The following SKOR1 variants were observed in gnomAD, a reference collection of about 807,000 sequenced individuals.
SKOR1 encodes LBX1 corepressor 1.
Under a neutral mutation model 72.4 loss-of-function variants are expected in SKOR1, and 38 were observed. That is an observed-to-expected ratio of 0.52 (90% confidence interval 0.40 to 0.69). SKOR1 has a LOEUF of 0.69. SKOR1 is among the 30% of genes least tolerant of loss of function. The probability of loss-of-function intolerance (pLI) is 0.00; values close to 1 mark genes in which losing one functional copy is unlikely to be tolerated. For synonymous variants in SKOR1, 642 were observed against 599.4 expected (o/e 1.07, Z -1.04); for missense variants, 1,320 against 1,343.2 (o/e 0.98, Z 0.27).
rs759253274 is a variant in SKOR1 at position 67,832,387 on chromosome 15, G to A, written c.2662+39G>A. The A allele has an allele frequency of 5.6e-6, 9 of 1,607,752 alleles. No homozygotes were observed. Among genetic ancestry groups the A allele is most frequent in the South Asian group, 3.3e-5 (3 of 90,804 alleles). On this transcript the variant is annotated intron_variant, in intron 6 of 8. Transcript: ENST00000380035. The surrounding 1 kb of genome is among the most constrained non-coding windows in gnomAD (Gnocchi z 4.5). ...TCCTGCCTCACCCCACCTCATCACC[G>A]AGCCTTCCACCAGGGTGCCCCGACC...
chr15:67,831,907 G>C (rs1344381914), intron 5 of SKOR1, among the ~76,000 whole-genome samples: 17 of 148,532 alleles, frequency 1.1e-4, no homozygotes, highest in East Asian at 7.8e-4. Flanking sequence ...GCGGTGCGGG[G>C]GGGGGAGGTC....
Position 67,832,942 on chromosome 15 carries a change from A to G in SKOR1, c.2738-250A>G. On this transcript the variant is annotated intron_variant, in intron 7 of 8. Coordinates refer to ENST00000380035, the MANE Select transcript of SKOR1 (RefSeq NM_001365915.1). The surrounding 1 kb of genome is among the most constrained non-coding windows in gnomAD (Gnocchi z 4.5). ...GTTTCTAAATTAAAAATCGAGGCGT[A>G]AAATTACCTGGGAAGTAATGCCTAA... The G allele has an allele frequency of 1.7e-6, 1 of 600,092 alleles. No individual in the cohort carries two copies. Among genetic ancestry groups the G allele is most frequent in the Non-Finnish European group, 2.9e-6 (1 of 339,616 alleles). 37.2% of individuals were successfully genotyped at this position (600,092 alleles called of 1,614,324 possible). A position where few individuals can be genotyped will look rare whatever the true frequency, so the allele number is the denominator to read the frequency against.
chr15:67,832,807 A>G lies in SKOR1; in HGVS notation c.2737+126A>G. 1.2e-6 allele frequency: 1 copy of G among 807,514 alleles called. No individual in the cohort carries two copies. Among genetic ancestry groups the G allele is most frequent in the Non-Finnish European group, 2.0e-6 (1 of 500,236 alleles). 50.0% of individuals were successfully genotyped at this position (807,514 alleles called of 1,614,324 possible). On this transcript the variant is annotated intron_variant, in intron 7 of 8. Coordinates refer to ENST00000380035, the MANE Select transcript of SKOR1 (RefSeq NM_001365915.1). This position sits in a 1 kb window ranked among gnomAD's most constrained non-coding sequence, Gnocchi z 4.5. Reference sequence around the variant, plus strand: ...AATTTAACAATTATTTTTTTATTTAATATGCTTTGTATACTCTGATTAGCC... The same window carrying G: ...AATTTAACAATTATTTTTTTATTTAGTATGCTTTGTATACTCTGATTAGCC...
Position 67,832,879 on chromosome 15 carries a change from A to G in SKOR1, c.2737+198A>G. ...GCAAACGGCTTGCAGGCATCATTAC[A>G]TGGAGTGATTGAACTTCTTATCGCG... On this transcript the variant is annotated intron_variant, in intron 7 of 8. Transcript: ENST00000380035. This position sits in a 1 kb window ranked among gnomAD's most constrained non-coding sequence, Gnocchi z 4.5. The G allele has an allele frequency of 1.7e-6, 1 of 604,912 alleles. No individual in the cohort carries two copies. Among genetic ancestry groups the G allele is most frequent in the Non-Finnish European group, 2.9e-6 (1 of 342,768 alleles). 37.5% of individuals were successfully genotyped at this position (604,912 alleles called of 1,614,324 possible).
rs1203979934 is a variant in SKOR1, at chr15:67,829,240, C to T, written c.2378C>T (p.Ala793Val). Residue 793 changes from alanine to valine, a missense_variant, in exon 3 of 9, where the codon GCC (alanine) becomes GTC (valine). Coordinates refer to ENST00000380035, the MANE Select transcript of SKOR1 (RefSeq NM_001365915.1). ...KSAAVALGPA[A>V]SYVCTPEAHE... Reference sequence around the variant, plus strand: ...GCGGCGGTGGCGCTGGGGCCCGCGGCCTCCTACGTCTGCACCCCCGAGGCC... The same window carrying T: ...GCGGCGGTGGCGCTGGGGCCCGCGGTCTCCTACGTCTGCACCCCCGAGGCC... The T allele has an allele frequency of 1.9e-6, 3 of 1,568,692 alleles. No homozygotes were observed. Among genetic ancestry groups the T allele is most frequent in the Admixed American group, 3.6e-5 (2 of 56,118 alleles).
rs1199092457 is a variant in SKOR1 at position 67,827,692 on chromosome 15, C to A, written c.1864C>A (p.Arg622=). The A allele has an allele frequency of 4.6e-6, 7 of 1,536,602 alleles. No individual in the cohort carries two copies. The highest frequency in any genetic ancestry group is 2.5e-5 in the East Asian group (1 of 40,716). Residue 622 remains arginine (R), a synonymous_variant, in exon 2 of 9, where the codon CGG becomes AGG. Transcript: ENST00000380035. ...AREAYGAGPA[R]GPGPGAGSGG... ...GGAGGCGTACGGCGCGGGGCCTGCT[C>A]GGGGGCCGGGACCCGGCGCTGGGAG... is the stretch of plus-strand genomic sequence containing the variant.
At position 67,827,719 on chromosome 15, in the gene SKOR1, G is replaced by C; in HGVS notation, c.1891G>C (p.Gly631Arg). ...GGGGCCGGGACCCGGCGCTGGGAGCGGCGGCTACGTGAGCCCGGACTTTCT... is the reference window on the plus strand; with the variant it reads ...GGGGCCGGGACCCGGCGCTGGGAGCCGCGGCTACGTGAGCCCGGACTTTCT... ...ARGPGPGAGS[G>R]GYVSPDFLSE... Residue 631 changes from glycine to arginine, a missense_variant, in exon 2 of 9, where the codon GGC (glycine) becomes CGC (arginine). Gly to Arg is a moderately radical substitution (Grantham distance 125, BLOSUM62 -2). Around this residue, in one of 3 missense-constraint regions of SKOR1, gnomAD observed 1,099 missense variants for 1,025.5 expected, o/e 1.07. Transcript: ENST00000380035. 6.5e-7 allele frequency: 1 copy of C among 1,543,240 alleles called. No individual in the cohort carries two copies. Among genetic ancestry groups the C allele is most frequent in the Non-Finnish European group, 8.7e-7 (1 of 1,143,682 alleles).
rs1220586342 is a variant in SKOR1 at position 67,833,843 on chromosome 15, C to T, written c.*7C>T. On this transcript the variant is annotated 3_prime_UTR_variant, in exon 9 of 9. Transcript: ENST00000380035. The surrounding 1 kb of genome is among the most constrained non-coding windows in gnomAD (Gnocchi z 6.0). Reference sequence around the variant, plus strand: ...GCCACCGCTGTTGCCCTAGGGCCGGCCTGGCCGCACCCCTGCGCCCTCAAG... The same window carrying T: ...GCCACCGCTGTTGCCCTAGGGCCGGTCTGGCCGCACCCCTGCGCCCTCAAG... 3 of 1,606,924 alleles carry T rather than the reference C, an allele frequency of 1.9e-6. No homozygotes were observed. Among genetic ancestry groups the T allele is most frequent in the African/African-American group, 1.3e-5 (1 of 74,942 alleles).
rs1034493109 is a variant in SKOR1 at position 67,828,112 on chromosome 15, T to G, written c.2284T>G (p.Cys762Gly). The G allele has an allele frequency of 1.4e-5, 21 of 1,514,936 alleles. No individual in the cohort carries two copies. The highest frequency in any genetic ancestry group is 1.6e-5 in the Non-Finnish European group (18 of 1,138,098). The allele number at this position is 1,514,936 out of a possible 1,614,324, so 93.8% of individuals were successfully genotyped here. Reference sequence around the variant, plus strand: ...CGGCGGCTACGAGCTGCGAGAGCCTTGCGGGCCCCTAGGAGGCCCCGCGCC... The same window carrying G: ...CGGCGGCTACGAGCTGCGAGAGCCTGGCGGGCCCCTAGGAGGCCCCGCGCC... ...GGGGYELREP[C>G]GPLGGPAPAK... Residue 762 changes from cysteine (C) to glycine (G), a missense_variant, in exon 2 of 9, where the codon TGC (cysteine) becomes GGC (glycine). Cys to Gly is a radical substitution (Grantham distance 159). Transcript: ENST00000380035.
Position 67,833,296 on chromosome 15 carries a change from G to A in SKOR1, c.2803+39G>A. 6.2e-7 allele frequency: 1 copy of A among 1,603,116 alleles called. No homozygotes were observed. The highest frequency in any genetic ancestry group is 8.5e-7 in the Non-Finnish European group (1 of 1,170,566). On this transcript the variant is annotated intron_variant, in intron 8 of 8. Coordinates refer to ENST00000380035, the MANE Select transcript of SKOR1 (RefSeq NM_001365915.1). The surrounding 1 kb of genome is among the most constrained non-coding windows in gnomAD (Gnocchi z 6.0). ...GAAACAAAGATAGGAGGGGTGCTGG[G>A]TGCCGGCCGTGCTGTCGACTGAATG...
Position 67,825,742 on chromosome 15 carries a change from CG to C in SKOR1, c.107+38del. ...TTACCCCTTCTCCTCCCCCAAGCCC[CG>C]GGGGCTGTTGTTAACGGCGCCAACA... On this transcript the variant is annotated intron_variant, in intron 1 of 8. Coordinates refer to ENST00000380035, the MANE Select transcript of SKOR1 (RefSeq NM_001365915.1). This position sits in a 1 kb window ranked among gnomAD's most constrained non-coding sequence, Gnocchi z 5.6. 1 of 965,122 alleles carries C rather than the reference CG, an allele frequency of 1.0e-6. No homozygotes were observed. The highest frequency in any genetic ancestry group is 1.6e-6 in the Non-Finnish European group (1 of 610,628). 59.8% of individuals were successfully genotyped at this position (965,122 alleles called of 1,614,324 possible).
Position 67,826,602 on chromosome 15 carries a change from C to G in SKOR1, c.774C>G (p.Asp258Glu). The change falls in exon 2 of 9, where the codon GAC (aspartate) becomes GAG (glutamate). Residue 258 changes from aspartate (D) to glutamate (E), a missense_variant. Physicochemically the swap from Asp to Glu is conservative, Grantham distance 45 (BLOSUM62 2). This residue lies in a region of SKOR1 where 1,099 missense variants were observed against 1,025.5 expected (regional missense o/e 1.07). Coordinates refer to ENST00000380035, the MANE Select transcript of SKOR1 (RefSeq NM_001365915.1). ...HLKLSDKSATDELSHAWEDVK... is the reference protein window; with the variant it reads ...HLKLSDKSATEELSHAWEDVK... ...AACTCAGTGACAAGTCGGCCACAGA[C>G]GAACTGAGCCATGCTTGGGAGGACG... The G allele has an allele frequency of 6.2e-7, 1 of 1,613,888 alleles. No homozygotes were observed. Among genetic ancestry groups the G allele is most frequent in the Non-Finnish European group, 8.5e-7 (1 of 1,179,950 alleles).
rs962604605 is a variant in SKOR1 at position 67,833,645 on chromosome 15, CA to C, written c.2804-94del. 10 of 1,302,994 alleles carry C rather than the reference CA, an allele frequency of 7.7e-6. No individual in the cohort carries two copies. The highest frequency in any genetic ancestry group is 7.1e-5 in the South Asian group (6 of 84,726). The allele number at this position is 1,302,994 out of a possible 1,614,324, so 80.7% of individuals were successfully genotyped here. On this transcript the variant is annotated intron_variant, in intron 8 of 8. Coordinates refer to ENST00000380035, the MANE Select transcript of SKOR1 (RefSeq NM_001365915.1). This position sits in a 1 kb window ranked among gnomAD's most constrained non-coding sequence, Gnocchi z 6.0. ...CCGCTCGGTTGAGATTCCCTGACCC[CA>C]AAGGGTTGGTAAGGCCGGGGAGGGG... is the stretch of plus-strand genomic sequence containing the variant.
In SKOR1 at chr15:67,830,269, C is replaced by T; in HGVS notation, c.2486C>T (p.Ser829Phe). Residue 829 changes from serine (S) to phenylalanine (F), a missense_variant, in exon 4 of 9, where the codon TCC becomes TTC. Coordinates refer to ENST00000380035, the MANE Select transcript of SKOR1 (RefSeq NM_001365915.1). ...TCCTATCCAGACCAAAGGAGTATCTCCCAGCCAAGTCCTGCAAATACAGAC... is the reference window on the plus strand; with the variant it reads ...TCCTATCCAGACCAAAGGAGTATCTTCCAGCCAAGTCCTGCAAATACAGAC... ...RKSYPDQRSI[S>F]QPSPANTDRG... The T allele has an allele frequency of 6.2e-7, 1 of 1,614,152 alleles. No homozygotes were observed. The highest frequency in any genetic ancestry group is 8.5e-7 in the Non-Finnish European group (1 of 1,180,002).
Position 67,833,006 on chromosome 15 carries a change from C to A in SKOR1, c.2738-186C>A, listed in dbSNP as rs952202762. 28 of 637,138 alleles carry A rather than the reference C, an allele frequency of 4.4e-5. No individual in the cohort carries two copies. Among genetic ancestry groups the A allele is most frequent in the Middle Eastern group, 4.1e-4 (1 of 2,422 alleles). The allele number at this position is 637,138 out of a possible 1,614,324, so 39.5% of individuals were successfully genotyped here. ...TTGGTTAGATCCATCTGCCTTTAAGCGCCATCCCAGGCCATTTCCTTCCTC... is the reference window on the plus strand; with the variant it reads ...TTGGTTAGATCCATCTGCCTTTAAGAGCCATCCCAGGCCATTTCCTTCCTC... On this transcript the variant is annotated intron_variant, in intron 7 of 8. Coordinates refer to ENST00000380035, the MANE Select transcript of SKOR1 (RefSeq NM_001365915.1). This position sits in a 1 kb window ranked among gnomAD's most constrained non-coding sequence, Gnocchi z 6.0.
rs529534699 is a variant in SKOR1 at position 67,833,823 on chromosome 15, C to A, written c.2885C>A (p.Pro962Gln). 249 of 1,610,990 alleles carry A rather than the reference C, an allele frequency of 1.5e-4. 3 individuals carry two copies. The South Asian group carries it at 2.6e-3, about 17-fold the overall frequency. The change falls in exon 9 of 9, where the codon CCG becomes CAG. Residue 962 changes from proline (P) to glutamine (Q), a missense_variant. Pro to Gln is a moderately conservative substitution (Grantham distance 76, BLOSUM62 -1). Transcript: ENST00000380035. The surrounding 1 kb of genome is among the most constrained non-coding windows in gnomAD (Gnocchi z 6.0). ...HCTGNCSFKP[P>Q]LLP ...ACTGGCAACTGCTCCTTCAAGCCAC[C>A]GCTGTTGCCCTAGGGCCGGCCTGGC...
intron 3 of SKOR1, among the ~76,000 whole-genome samples, chr15:67,829,876 G>T (rs1238708485): frequency 6.6e-6 from 1 of 152,236 alleles, no homozygotes; most frequent in Non-Finnish European, 1.5e-5. Context: ...CAGACCCGGC[G>T]GCCACGCGCG....
In SKOR1 at chr15:67,827,141, C is replaced by G. The variant is rs1030214875; in HGVS notation, c.1313C>G (p.Ala438Gly). ...GGGGAGTGGG[A>G]GGPGASHLPP... ...GGCGGCGCGGGGACAGGCGGGGGTG[C>G]GGGGGGCCCGGGAGCCAGCCACTTG... The change falls in exon 2 of 9, where the codon GCG becomes GGG. Residue 438 changes from alanine to glycine, a missense_variant. This residue lies in a region of SKOR1 where 1,099 missense variants were observed against 1,025.5 expected (regional missense o/e 1.07). Transcript: ENST00000380035. The G allele has an allele frequency of 7.4e-7, 1 of 1,350,864 alleles. No homozygotes were observed. 83.7% of individuals were successfully genotyped at this position (1,350,864 alleles called of 1,614,324 possible). A position where few individuals can be genotyped will look rare whatever the true frequency, so the allele number is the denominator to read the frequency against.
At position 67,828,151 on chromosome 15, in the gene SKOR1, C is replaced by G; in HGVS notation, c.2316+7C>G. On this transcript the variant is annotated splice_region_variant and intron_variant, in intron 2 of 8. Coordinates refer to ENST00000380035, the MANE Select transcript of SKOR1 (RefSeq NM_001365915.1). The stretch of plus-strand genomic sequence containing the variant: ...AGGCCCCGCGCCGGCCAAGGTGAGC[C>G]CCGCGCCCGCCCCGCCAGTGGCGCC... The G allele has an allele frequency of 7.0e-7, 1 of 1,429,948 alleles. No homozygotes were observed. The highest frequency in any genetic ancestry group is 9.1e-7 in the Non-Finnish European group (1 of 1,103,996). 88.6% of individuals were successfully genotyped at this position (1,429,948 alleles called of 1,614,324 possible).
Sources: allele counts gnomAD v4.1 joint callset (sites outside exome capture counted in the v4.1 genomes callset), GRCh38; gene constraint gnomAD v4.1.1; regional missense constraint gnomAD v4.1.1; non-coding constraint Gnocchi (gnomAD v3.1); transcripts MANE v1.5; gene names NCBI Gene and HGNC (gene_info 2026-07-23, HGNC 2026-07-21).